SRCAP: variants seen among roughly 807,000 people sequenced by gnomAD.
SRCAP encodes the protein chromatin remodeling protein SRCAP.
Under a neutral mutation model 263.1 loss-of-function variants are expected in SRCAP, and 46 were observed. The observed-to-expected ratio is 0.17, with a 90% CI of 0.14 to 0.22. SRCAP has a LOEUF of 0.22. Among genes scored for constraint, SRCAP ranks in the 10% least tolerant of loss-of-function variants. The pLI is 1.00. For synonymous variants in SRCAP, 1,813 were observed against 1,662.1 expected, an observed-to-expected ratio of 1.09 and a Z score of -2.21; for missense variants, 3,695 against 4,181.9, an observed-to-expected ratio of 0.88 and a Z score of 3.21.
Position 30,704,111 on chromosome 16 carries a change from A to G in SRCAP, c.102A>G (p.Ser34=), listed in dbSNP as rs1319895264. 3.1e-6 allele frequency: 5 copies of G among 1,614,146 alleles called. No homozygotes were observed. The highest frequency in any genetic ancestry group is 4.2e-6 in the Non-Finnish European group (5 of 1,180,020). ...GCAGCAATCCTGTGTCCCCTGCCTC[A>G]TCCAGTTCCCCAGCCTCTAGTGGGG... ...MTGSNPVSPA[S]SSSPASSGAG... The change falls in exon 4 of 34, where the codon TCA becomes TCG. Residue 34 remains serine (S), a synonymous_variant. Coordinates refer to ENST00000262518, the MANE Select transcript of SRCAP (RefSeq NM_006662.3).
Position 30,738,926 on chromosome 16 carries a change from C to G in SRCAP, c.8886C>G (p.Ser2962=). ...TTTCCTCTGCAGGGGATGGCAACTC[C>G]GAAAGTCGGACACAGCCACCCCCAC... The part of the protein sequence containing the change: ...GTISSAGDGN[S]ESRTQPPPHP... The change falls in exon 34 of 34, where the codon TCC becomes TCG. Residue 2962 remains serine (S), a synonymous_variant. Coordinates refer to ENST00000262518, the MANE Select transcript of SRCAP (RefSeq NM_006662.3). The G allele has an allele frequency of 6.2e-7, 1 of 1,614,104 alleles. No individual in the cohort carries two copies. The highest frequency in any genetic ancestry group is 8.5e-7 in the Non-Finnish European group (1 of 1,180,018).
In SRCAP at chr16:30,739,468, C is replaced by A. The variant is rs1241474425; in HGVS notation, c.9428C>A (p.Ala3143Asp). The stretch of plus-strand genomic sequence containing the variant: ...AAGTTGCCTCGCAAACGAGCAGGGG[C>A]CCCAGTTGGTGGGAGTCCTGGGCTG... ...TEKLPRKRAGAPVGGSPGLAK... is the reference protein window; with the variant it reads ...TEKLPRKRAGDPVGGSPGLAK... The change falls in exon 34 of 34, where the codon GCC becomes GAC. Residue 3143 changes from alanine (A) to aspartate (D), a missense_variant. By Grantham distance (126) the Ala-to-Asp change is moderately radical. This residue lies in a region of SRCAP where 1,207 missense variants were observed against 1,142.9 expected (regional missense o/e 1.06). Coordinates refer to ENST00000262518, the MANE Select transcript of SRCAP (RefSeq NM_006662.3). 6.2e-7 allele frequency: 1 copy of A among 1,614,084 alleles called. No individual in the cohort carries two copies. Among genetic ancestry groups the A allele is most frequent in the South Asian group, 1.1e-5 (1 of 91,088 alleles).
rs376066291 is a variant in SRCAP, at chr16:30,738,823, A to G, written c.8783A>G (p.Asn2928Ser). The G allele has an allele frequency of 1.9e-6, 3 of 1,613,740 alleles. No individual in the cohort carries two copies. The highest frequency in any genetic ancestry group is 1.3e-5 in the African/African-American group (1 of 74,830). Residue 2928 changes from asparagine (N) to serine (S), a missense_variant, in exon 34 of 34, where the codon AAT becomes AGT. Around this residue, in one of 12 missense-constraint regions of SRCAP, gnomAD observed 1,207 missense variants for 1,142.9 expected, o/e 1.06. Coordinates refer to ENST00000262518, the MANE Select transcript of SRCAP (RefSeq NM_006662.3). The part of the protein sequence containing the change: ...PLGPQPVHRP[N>S]PLLSPVEKRR... The stretch of plus-strand genomic sequence containing the variant: ...GGACCCCAGCCAGTTCACAGACCCA[A>G]TCCCCTCCTGTCACCTGTGGAGAAA...
In SRCAP at chr16:30,711,938, G is replaced by C; in HGVS notation, c.1596G>C (p.Glu532Asp). Reference protein sequence around the residue: ...ASEESESEESEDAQSQSQADE... With the variant: ...ASEESESEESDDAQSQSQADE... Reference sequence around the variant, plus strand: ...AGGAATCTGAGTCTGAAGAGTCTGAGGATGCCCAATCACAGAGCCAAGCAG... The same window carrying C: ...AGGAATCTGAGTCTGAAGAGTCTGACGATGCCCAATCACAGAGCCAAGCAG... The change falls in exon 12 of 34, where the codon GAG becomes GAC. Residue 532 changes from glutamate (E) to aspartate (D), a missense_variant. Transcript: ENST00000262518. The C allele has an allele frequency of 1.2e-6, 2 of 1,613,966 alleles. No individual in the cohort carries two copies. Among genetic ancestry groups the C allele is most frequent in the Non-Finnish European group, 1.7e-6 (2 of 1,179,998 alleles).
Position 30,740,244 on chromosome 16 carries a change from C to A in SRCAP, c.*511C>A, listed in dbSNP as rs2053211455. The A allele has an allele frequency of 6.6e-6, 1 of 152,396 alleles. No individual in the cohort carries two copies. Among genetic ancestry groups the A allele is most frequent in the Non-Finnish European group, 1.5e-5 (1 of 68,026 alleles). 9.4% of individuals were successfully genotyped at this position (152,396 alleles called of 1,614,324 possible). A position where few individuals can be genotyped will look rare whatever the true frequency, so the allele number is the denominator to read the frequency against. ...AAGATCCTAGCACCTGATCTCTAGC[C>A]CAGGACTATATGTTCCAGGCAGAAA... is the stretch of plus-strand genomic sequence containing the variant. On this transcript the variant is annotated 3_prime_UTR_variant, in exon 34 of 34. Transcript: ENST00000262518.
chr16:30,712,138 A>G lies in SRCAP; in HGVS notation c.1796A>G (p.Tyr599Cys). ...AAAESLQPKG[Y>C]TLATTQVKTP... ...GCTGAAAGTCTCCAGCCCAAGGGTTACACGCTGGCCACGACCCAGGTATCC... is the reference window on the plus strand; with the variant it reads ...GCTGAAAGTCTCCAGCCCAAGGGTTGCACGCTGGCCACGACCCAGGTATCC... The change falls in exon 12 of 34, where the codon TAC becomes TGC. Residue 599 changes from tyrosine (Y) to cysteine (C), a missense_variant. Transcript: ENST00000262518. The G allele has an allele frequency of 6.2e-7, 1 of 1,613,592 alleles. No individual in the cohort carries two copies. Among genetic ancestry groups the G allele is most frequent in the Non-Finnish European group, 8.5e-7 (1 of 1,179,554 alleles).
intron 3 of SRCAP, 102 bp from the exon 4 acceptor site, chr16:30,703,962 T>C: frequency 7.2e-7 from 1 of 1,388,876 alleles, no homozygotes; most frequent in African/African-American, 1.4e-5. Flanking sequence ...TATACCTTAC[T>C]CTACACAGTT....
chr16:30,723,445 A>T, intron 24 of SRCAP, 139 bp from the exon 25 acceptor site: 1 of 1,480,184 alleles, frequency 6.8e-7, no homozygotes, highest in Non-Finnish European at 8.9e-7. Context: ...TTGTCAGATT[A>T]CTTGGATGTT....
chr16:30,710,148 A>AG lies in SRCAP; in HGVS notation c.1134+23dup. 1 of 1,607,958 alleles carries AG rather than the reference A, an allele frequency of 6.2e-7. No individual in the cohort carries two copies. ...TTGGAGGTATAGGCAGAAGGAGCAG[A>AG]GGGAGGGTTCAGAGGGGGAACAGAG... On this transcript the variant is annotated intron_variant, in intron 8 of 33. Transcript: ENST00000262518.
At position 30,740,294 on chromosome 16, in the gene SRCAP, G is replaced by C. The variant is rs1326843690; in HGVS notation, c.*561G>C. ...ATCTACCCAAGAAGAGGGAAGATTG[G>C]TGAATTTGATGTGGTAGGGTGCCTT... On this transcript the variant is annotated 3_prime_UTR_variant, in exon 34 of 34. Coordinates refer to ENST00000262518, the MANE Select transcript of SRCAP (RefSeq NM_006662.3). 2.6e-5 allele frequency: 4 copies of C among 152,394 alleles called. No homozygotes were observed. The highest frequency in any genetic ancestry group is 5.9e-5 in the Non-Finnish European group (4 of 68,048). The allele number at this position is 152,394 out of a possible 1,614,324, so 9.4% of individuals were successfully genotyped here.
intron 3 of SRCAP, among the ~76,000 whole-genome samples, 175 bp downstream of exon 3, chr16:30,701,053 T>A (rs1055412152): frequency 1.3e-5 from 2 of 152,154 alleles, no homozygotes; most frequent in African/African-American, 4.8e-5. Context: ...TTAACATTAG[T>A]GTAATATTAT....
At chr16:30,722,015 T>C in intron 21 of SRCAP, 107 bp from the exon 22 acceptor site, 1 of 1,380,474 alleles carries the variant, frequency 7.2e-7, no homozygotes, top group Non-Finnish European at 9.9e-7. Context: ...GGGAAGGGCT[T>C]AGTTGTTTGA....
At chr16:30,726,159 C>T (rs1232127682) in intron 25 of SRCAP, 1 of 152,146 alleles carries the variant, frequency 6.6e-6, no homozygotes, top group African/African-American at 2.4e-5. Flanking sequence ...GCATCTTCTA[C>T]TTAGATTAAT....
intron 18 of SRCAP, among the ~76,000 whole-genome samples, chr16:30,718,442 G>T (rs1320679749): frequency 6.6e-6 from 1 of 151,282 alleles, no homozygotes; most frequent in Non-Finnish European, 1.5e-5. Flanking sequence ...CTCCCAAAGT[G>T]CTGGGATTAC....
Position 30,712,318 on chromosome 16 carries a change from T to C in SRCAP, c.1872T>C (p.Ile624=), listed in dbSNP as rs571878386. ...GCCAGCTCCGGGAGTACCAGCACAT[T>C]GGGCTAGACTGGCTGGTTACCATGT... ...LRGQLREYQH[I]GLDWLVTMYE... is the part of the protein sequence containing the mutation. The change falls in exon 13 of 34, where the codon ATT becomes ATC. Residue 624 remains isoleucine, a synonymous_variant. Transcript: ENST00000262518. 3.7e-6 allele frequency: 6 copies of C among 1,611,640 alleles called. No individual in the cohort carries two copies. The Admixed American group carries it at 8.4e-5, about 23-fold the overall frequency.
intron 31 of SRCAP, among the ~76,000 whole-genome samples, chr16:30,735,309 G>A (rs919966956): frequency 6.6e-6 from 1 of 150,634 alleles, no homozygotes; most frequent in Non-Finnish European, 1.5e-5. Context: ...ACTACGCCCG[G>A]CTAATTTTTT....
chr16:30,714,813 T>G (rs1280373108), intron 16 of SRCAP, among the ~76,000 whole-genome samples: 1 of 152,068 alleles, frequency 6.6e-6, no homozygotes, highest in Non-Finnish European at 1.5e-5. Context: ...AGCCTGTTTG[T>G]TTTTTGTTTT....
chr16:30,711,005 A>T lies in SRCAP; in HGVS notation c.1235A>T (p.Asp412Val), dbSNP rs895332596. 1.2e-6 allele frequency: 2 copies of T among 1,613,968 alleles called. No homozygotes were observed. The highest frequency in any genetic ancestry group is 1.7e-6 in the Non-Finnish European group (2 of 1,179,918). ...GCTTCTGTCTCTTTCCTAGCGGAGG[A>T]TGAAGAGGATACTATAGCAGCTGAG... Reference protein sequence around the residue: ...EFTANEEEAEDEEDTIAAEEQ... With the variant: ...EFTANEEEAEVEEDTIAAEEQ... The change falls in exon 10 of 34, where the codon GAT becomes GTT. Residue 412 changes from aspartate to valine, a missense_variant. This residue lies in a region of SRCAP where 288 missense variants were observed against 302.4 expected (regional missense o/e 0.95). Transcript: ENST00000262518.
chr16:30,717,578 C>CT (rs1365626658), intron 18 of SRCAP, among the ~76,000 whole-genome samples: 1 of 143,728 alleles, frequency 7.0e-6, no homozygotes, highest in Non-Finnish European at 1.5e-5. Context: ...TTCCAACTAG[C>CT]TGGGACCACG....
Sources: gnomAD v4.1 joint callset for allele counts (sites outside exome capture counted in the v4.1 genomes callset) on GRCh38, gnomAD v4.1.1 for gene constraint, gnomAD v4.1.1 regional missense constraint, MANE v1.5 for transcripts, NCBI Gene and HGNC (gene_info 2026-07-23, HGNC 2026-07-21) for gene names.